The following CNTNAP2 variants were observed in gnomAD, a reference collection of about 807,000 sequenced individuals.
CNTNAP2 encodes the protein contactin-associated protein-like 2.
CNTNAP2 carries 98 observed loss-of-function variants against 155.2 expected under a neutral mutation model. That is an observed-to-expected ratio of 0.63 (90% CI 0.54 to 0.75). CNTNAP2 has a LOEUF of 0.75. CNTNAP2 is among the 30% of genes least tolerant of loss of function. The pLI is 0.00. For synonymous variants in CNTNAP2, 651 were observed against 631.2 expected, an observed-to-expected ratio of 1.03 and a Z score of -0.47; for missense variants, 1,727 against 1,688.1, an observed-to-expected ratio of 1.02 and a Z score of -0.40.
chr7:146,767,949 A>G (rs1032053733), intron 1 of CNTNAP2, among the ~76,000 whole-genome samples: 2 of 152,128 alleles, frequency 1.3e-5, no homozygotes, highest in Non-Finnish European at 2.9e-5. Flanking sequence ...TCTGAAAGTC[A>G]CGCCTTTCAC....
chr7:146,414,057 T>C (rs1279473041), intron 1 of CNTNAP2, among the ~76,000 whole-genome samples: 1 of 152,202 alleles, frequency 6.6e-6, no homozygotes, highest in Non-Finnish European at 1.5e-5. Flanking sequence ...ATGTTAACCA[T>C]AAAACTTGCC....
chr7:146,440,051 G>A (rs922759280), intron 1 of CNTNAP2, among the ~76,000 whole-genome samples: 1 of 151,608 alleles, frequency 6.6e-6, no homozygotes, highest in Non-Finnish European at 1.5e-5. Context: ...TTGAACCCGG[G>A]AGGCAGAGGT....
intron 14 of CNTNAP2, among the ~76,000 whole-genome samples, chr7:147,914,738 A>G (rs1322066873): frequency 6.6e-6 from 1 of 151,804 alleles, no homozygotes; most frequent in African/African-American, 2.4e-5. Flanking sequence ...TTTTGTAGAG[A>G]TGGGGGTCTT....
intron 1 of CNTNAP2, among the ~76,000 whole-genome samples, chr7:146,531,031 T>C (rs1382372023): frequency 6.6e-6 from 1 of 152,160 alleles, no homozygotes; most frequent in Non-Finnish European, 1.5e-5. Context: ...TTATACACCG[T>C]GGAATACTGT....
intron 3 of CNTNAP2, among the ~76,000 whole-genome samples, chr7:146,870,506 A>G (rs1004669407): frequency 1.3e-5 from 2 of 152,146 alleles, no homozygotes; most frequent in African/African-American, 4.8e-5. Flanking sequence ...ACATTATGAA[A>G]ATGAATTTAG....
At chr7:147,639,375 C>T in intron 13 of CNTNAP2, 69 bp downstream of exon 13, 1 of 1,433,822 alleles carries the variant, frequency 7.0e-7, no homozygotes, top group Non-Finnish European at 9.7e-7. Context: ...CTAAAGAATC[C>T]AACAGGTGTG....
At chr7:147,874,223 AC>A (rs1788487142) in intron 13 of CNTNAP2, among the ~76,000 whole-genome samples, 3 of 152,096 alleles carry the variant, frequency 2.0e-5, no homozygotes, top group African/African-American at 7.2e-5. Flanking sequence ...CCCAGTGGGA[AC>A]TCTGTGTGGG....
chr7:146,436,153 C>G (rs1796240130), intron 1 of CNTNAP2, among the ~76,000 whole-genome samples: 1 of 152,048 alleles, frequency 6.6e-6, no homozygotes, highest in African/African-American at 2.4e-5. Flanking sequence ...TGTATCTCTC[C>G]TAGCAATACT....
intron 10 of CNTNAP2, among the ~76,000 whole-genome samples, chr7:147,448,482 GTGTATA>G (rs1482345636): frequency 3.9e-5 from 4 of 103,312 alleles, no homozygotes; most frequent in South Asian, 4.1e-4. Flanking sequence ...ATGTGTGTGT[GTGTATA>G]TATATATATA....
intron 1 of CNTNAP2, among the ~76,000 whole-genome samples, chr7:146,423,527 A>G (rs1262632772): frequency 3.3e-5 from 5 of 152,170 alleles, no homozygotes; most frequent in Non-Finnish European, 2.9e-5. Context: ...CATCTTGAGT[A>G]CCTCATGGAT....
chr7:146,930,410 G>T (rs1383425032), intron 3 of CNTNAP2, among the ~76,000 whole-genome samples: 2 of 152,020 alleles, frequency 1.3e-5, no homozygotes, highest in African/African-American at 2.4e-5. Context: ...TCACCACCAG[G>T]CCTGCCCTAA....
rs552251334 is a variant in CNTNAP2 at position 146,740,183 on chromosome 7, C to A, written c.98-34088C>A. 3.3e-5 allele frequency among the ~76,000 whole-genome samples: 5 copies of A among 151,454 alleles called. No homozygotes were observed. In the East Asian group the frequency reaches 9.7e-4, roughly 30 times the overall value. ...CTTCTGACTTTATATTTTCAAATAA[C>A]CTGTCTGTAAGTTCACAAATATTGT... On this transcript the variant is annotated intron_variant, in intron 1 of 23. Coordinates refer to ENST00000361727, the MANE Select transcript of CNTNAP2 (RefSeq NM_014141.6).
chr7:146,486,633 T>C (rs1388759686), intron 1 of CNTNAP2, among the ~76,000 whole-genome samples: 2 of 152,058 alleles, frequency 1.3e-5, no homozygotes, highest in East Asian at 1.9e-4. Context: ...ACAGATATCA[T>C]AGAAAATCAG....
At chr7:146,605,673 A>G (rs187303938) in intron 1 of CNTNAP2, among the ~76,000 whole-genome samples, 2 of 152,344 alleles carry the variant, frequency 1.3e-5, no homozygotes, top group African/African-American at 4.8e-5. Context: ...TTTAATTATT[A>G]GCATTTGAAT....
At chr7:147,604,744 AG>A (rs1275656418) in intron 12 of CNTNAP2, among the ~76,000 whole-genome samples, 2 of 152,142 alleles carry the variant, frequency 1.3e-5, no homozygotes, top group Non-Finnish European at 2.9e-5. Flanking sequence ...AATTTAGACA[AG>A]GGGGTCATGT....
rs1462582270 is a variant in CNTNAP2 at position 147,887,776 on chromosome 7, G to A, written c.2099-15789G>A. On this transcript the variant is annotated intron_variant, in intron 13 of 23. Transcript: ENST00000361727. ...TCAATGAAAAACAAAACTGAAAATG[G>A]AAAAATCCACTCTACAAAAGAAGAT... Among the ~76,000 whole-genome samples the A allele has an allele frequency of 3.4e-4, 51 of 152,078 alleles. 1 individual carries two copies. Among genetic ancestry groups the A allele is most frequent in the Admixed American group, 3.3e-3 (51 of 15,270 alleles).
chr7:147,430,321 C>T (rs1386506300), intron 10 of CNTNAP2, among the ~76,000 whole-genome samples: 1 of 152,134 alleles, frequency 6.6e-6, no homozygotes, highest in Non-Finnish European at 1.5e-5. Context: ...AGTTAATTGG[C>T]TTGATTACAA....
chr7:146,395,826 GGAGAGAGA>G (rs35033097), intron 1 of CNTNAP2, among the ~76,000 whole-genome samples: 15,761 of 115,964 alleles, frequency 0.14, 989 homozygotes, highest in Middle Eastern at 0.17. Context: ...GATAGATAGA[GGAGAGAGA>G]GAGAGAGAGA....
intron 12 of CNTNAP2, among the ~76,000 whole-genome samples, chr7:147,575,371 GGTGT>G (rs149655952): frequency 0.07 from 6,663 of 95,702 alleles, 279 homozygotes; most frequent in Admixed American, 0.1. Flanking sequence ...TAGCTTTAGG[GGTGT>G]GTGTGTGTGT....
Sources: gnomAD v4.1 joint callset for allele counts (sites outside exome capture counted in the v4.1 genomes callset) on GRCh38, gnomAD v4.1.1 for gene constraint, MANE v1.5 for transcripts, NCBI Gene and HGNC (gene_info 2026-07-23, HGNC 2026-07-21) for gene names.